Variants in MAN1A1 observed in about 807,000 individuals in gnomAD.
MAN1A1 encodes the protein mannosyl-oligosaccharide 1,2-alpha-mannosidase IA.
MAN1A1 carries 29 observed loss-of-function variants against 70.8 expected under a neutral mutation model. The observed-to-expected ratio is 0.41, with a 90% confidence interval of 0.31 to 0.56. The LOEUF is 0.56. Ranked by LOEUF, MAN1A1 falls within the 20% of genes least tolerant of loss-of-function variation. The pLI is 0.29. For synonymous variants in MAN1A1, 349 were observed against 330.1 expected (o/e 1.06, Z -0.62); for missense variants, 747 against 841.3 (o/e 0.89, Z 1.39).
At chr6:119,265,540 T>TA (rs1396922368) in intron 5 of MAN1A1, among the ~76,000 whole-genome samples, 4 of 152,144 alleles carry the variant, frequency 2.6e-5, no homozygotes, top group Admixed American at 6.5e-5. Context: ...AATAAACATT[T>TA]AAAAAAATTT....
At chr6:119,341,416 C>T (rs1181586523) in intron 2 of MAN1A1, among the ~76,000 whole-genome samples, 1 of 152,122 alleles carries the variant, frequency 6.6e-6, no homozygotes, top group Non-Finnish European at 1.5e-5. Context: ...TCAAGATTAT[C>T]CCAGGTGGAG....
chr6:119,264,483 C>T (rs1775694936), intron 5 of MAN1A1, among the ~76,000 whole-genome samples: 1 of 152,202 alleles, frequency 6.6e-6, no homozygotes, highest in Non-Finnish European at 1.5e-5. Context: ...TGCAGTTTAA[C>T]AATCAACTCT....
At chr6:119,253,026 G>A (rs951838646) in intron 5 of MAN1A1, among the ~76,000 whole-genome samples, 2 of 151,994 alleles carry the variant, frequency 1.3e-5, no homozygotes, top group Non-Finnish European at 2.9e-5. Flanking sequence ...TGCCTCATGA[G>A]CTGAGTGAAC....
At chr6:119,229,034 C>T (rs1774599372) in intron 6 of MAN1A1, among the ~76,000 whole-genome samples, 1 of 152,038 alleles carries the variant, frequency 6.6e-6, no homozygotes, top group African/African-American at 2.4e-5. Context: ...ATATAACACA[C>T]CACAGAGTAT....
At chr6:119,251,729 T>C (rs1010474670) in intron 5 of MAN1A1, among the ~76,000 whole-genome samples, 6 of 152,258 alleles carry the variant, frequency 3.9e-5, no homozygotes, top group African/African-American at 1.4e-4. Flanking sequence ...TCACTGCCTA[T>C]TATACAGATC....
chr6:119,291,777 T>G (rs1316677002), intron 4 of MAN1A1, among the ~76,000 whole-genome samples: 9 of 151,998 alleles, frequency 5.9e-5, no homozygotes, highest in African/African-American at 2.2e-4. Flanking sequence ...CATCTTCGCA[T>G]AAAGGACATG....
At chr6:119,298,320 G>A (rs1772277906) in intron 4 of MAN1A1, among the ~76,000 whole-genome samples, 1 of 152,136 alleles carries the variant, frequency 6.6e-6, no homozygotes, top group South Asian at 2.1e-4. Context: ...AGATATTAAA[G>A]TCATTTGAAC....
At chr6:119,186,402 G>A (rs1773292598) in intron 11 of MAN1A1, among the ~76,000 whole-genome samples, 1 of 152,156 alleles carries the variant, frequency 6.6e-6, no homozygotes, top group South Asian at 2.1e-4. Context: ...GTGACATCAG[G>A]AAGTGGGCAA....
chr6:119,332,788 GAA>G (rs56829189), intron 2 of MAN1A1, among the ~76,000 whole-genome samples: 1 of 145,594 alleles, frequency 6.9e-6, no homozygotes, highest in Non-Finnish European at 1.5e-5. Context: ...TCCATCTCAA[GAA>G]AAAAAAAAAA....
rs1458553024 is a variant in MAN1A1 at position 119,179,884 on chromosome 6, T to C, written c.1897A>G (p.Ser633Gly). ...AGGATAGGGAGAAGATGTGCCTCGC[T>C]ATTGAAGATCCAATGCTCCAGTGGA... ...LLPLEHWIFN[S>G]EAHLLPILPK... is the part of the protein sequence containing the mutation. Residue 633 changes from serine (S) to glycine (G), a missense_variant, in exon 13 of 13, where the codon AGC becomes GGC. This residue lies in a region of MAN1A1 where 419 missense variants were observed against 548.2 expected (regional missense o/e 0.76). Coordinates refer to ENST00000368468, the MANE Select transcript of MAN1A1 (RefSeq NM_005907.4). The C allele has an allele frequency of 6.2e-7, 1 of 1,613,342 alleles. No homozygotes were observed. Among genetic ancestry groups the C allele is most frequent in the Non-Finnish European group, 8.5e-7 (1 of 1,179,302 alleles).
At position 119,204,790 on chromosome 6, in the gene MAN1A1, T is replaced by C; in HGVS notation, c.1085A>G (p.His362Arg). 6.2e-7 allele frequency: 1 copy of C among 1,613,984 alleles called. No homozygotes were observed. Among genetic ancestry groups the C allele is most frequent in the Non-Finnish European group, 8.5e-7 (1 of 1,179,862 alleles). The stretch of plus-strand genomic sequence containing the variant: ...AGCAAAGATGGGGTTTCCTGATAAG[T>C]GGCTCAAGTGCATAAACTCCAAATG... Reference protein sequence around the residue: ...TLHLEFMHLSHLSGNPIFAEK... With the variant: ...TLHLEFMHLSRLSGNPIFAEK... The change falls in exon 7 of 13, where the codon CAC (histidine) becomes CGC (arginine). Residue 362 changes from histidine to arginine, a missense_variant. Around this residue, in one of 2 missense-constraint regions of MAN1A1, gnomAD observed 419 missense variants for 548.2 expected, o/e 0.76. Transcript: ENST00000368468.
At chr6:119,248,212 C>T (rs989713989) in intron 6 of MAN1A1, 48 bp downstream of exon 6, 2 of 1,268,682 alleles carry the variant, frequency 1.6e-6, no homozygotes, top group African/African-American at 3.0e-5. Flanking sequence ...AGGCAACAAT[C>T]TGGAATATTT....
chr6:119,219,883 A>G (rs1435926755), intron 6 of MAN1A1, among the ~76,000 whole-genome samples: 1 of 152,136 alleles, frequency 6.6e-6, no homozygotes, highest in Non-Finnish European at 1.5e-5. Flanking sequence ...ACAGACATCA[A>G]TGACACATTA....
upstream of MAN1A1, chr6:119,350,445 GCCCTTT>G (rs1773882573): frequency 1.5e-6 from 1 of 675,922 alleles, no homozygotes; most frequent in Non-Finnish European, 1.8e-6. Context: ...TTTCGTATGC[GCCCTTT>G]CTTCCCCCAA....
Position 119,290,783 on chromosome 6 carries a change from A to G in MAN1A1, c.817-20T>C. The G allele has an allele frequency of 6.8e-7, 1 of 1,471,696 alleles. No individual in the cohort carries two copies. The highest frequency in any genetic ancestry group is 9.5e-7 in the Non-Finnish European group (1 of 1,053,284). The allele number at this position is 1,471,696 out of a possible 1,614,324, so 91.2% of individuals were successfully genotyped here. On this transcript the variant is annotated intron_variant, in intron 4 of 12. Coordinates refer to ENST00000368468, the MANE Select transcript of MAN1A1 (RefSeq NM_005907.4). ...AGCATTCTATGGAAAAAAAAAATTC[A>G]AACATGATGATAGTACACAATTCAG...
chr6:119,310,807 T>C (rs1436945136), intron 2 of MAN1A1, among the ~76,000 whole-genome samples: 2 of 152,218 alleles, frequency 1.3e-5, no homozygotes, highest in Admixed American at 6.5e-5. Flanking sequence ...GGTTCCCCAG[T>C]GGAACTGTGT....
At chr6:119,276,450 T>C (rs182444058) in intron 5 of MAN1A1, among the ~76,000 whole-genome samples, 1 of 152,308 alleles carries the variant, frequency 6.6e-6, no homozygotes, top group East Asian at 1.9e-4. Flanking sequence ...GAGTGAATCA[T>C]AAGGGACTAG....
chr6:119,209,494 G>T (rs1773984505), intron 6 of MAN1A1, among the ~76,000 whole-genome samples: 2 of 152,092 alleles, frequency 1.3e-5, no homozygotes, highest in Non-Finnish European at 2.9e-5. Context: ...TACAATTATT[G>T]CAAAGGTTCA....
At chr6:119,263,356 A>T (rs1775663813) in intron 5 of MAN1A1, among the ~76,000 whole-genome samples, 1 of 152,172 alleles carries the variant, frequency 6.6e-6, no homozygotes, top group African/African-American at 2.4e-5. Flanking sequence ...TTGCATCAAC[A>T]TGAATAAAGC....
Sources: allele counts gnomAD v4.1 joint callset (sites outside exome capture counted in the v4.1 genomes callset), GRCh38; gene constraint gnomAD v4.1.1; regional missense constraint gnomAD v4.1.1; transcripts MANE v1.5; gene names NCBI Gene and HGNC (gene_info 2026-07-23, HGNC 2026-07-21).